SMIM35: variants seen among roughly 807,000 people sequenced by gnomAD.
The protein encoded by SMIM35 is TMPRSS4 antisense RNA 1 (non-protein coding).
intron 1 of SMIM35, among the ~76,000 whole-genome samples, chr11:118,039,161 G>A (rs1281477239): frequency 6.6e-6 from 1 of 152,132 alleles, no homozygotes; most frequent in East Asian, 1.9e-4. Context: ...TTAGAGCAGA[G>A]CAAAAATGAA....
chr11:118,056,001 C>A (rs1944303885), intron 1 of SMIM35, among the ~76,000 whole-genome samples: 1 of 151,834 alleles, frequency 6.6e-6, no homozygotes, highest in East Asian at 1.9e-4. Flanking sequence ...AGTCAGTTGC[C>A]AAGCAGAGGA....
At chr11:118,043,402 A>T (rs1020900931) in intron 1 of SMIM35, among the ~76,000 whole-genome samples, 1 of 152,192 alleles carries the variant, frequency 6.6e-6, no homozygotes, top group African/African-American at 2.4e-5. Context: ...ATGCCACTTG[A>T]ATGAACCTCA....
At chr11:118,051,167 A>T (rs1278337143) in intron 1 of SMIM35, among the ~76,000 whole-genome samples, 1 of 152,178 alleles carries the variant, frequency 6.6e-6, no homozygotes, top group African/African-American at 2.4e-5. Flanking sequence ...GAAGCAGAGA[A>T]ACTATCCTAT....
intron 1 of SMIM35, among the ~76,000 whole-genome samples, chr11:118,047,825 G>C (rs1279318692): frequency 6.6e-6 from 1 of 152,190 alleles, no homozygotes; most frequent in African/African-American, 2.4e-5. Context: ...GGGGATCTCT[G>C]TGACCCTCCA....
chr11:118,062,999 T>A (rs1277673399), intron 1 of SMIM35, among the ~76,000 whole-genome samples: 6 of 152,104 alleles, frequency 3.9e-5, no homozygotes, highest in Non-Finnish European at 5.9e-5. Flanking sequence ...CTGGTCGTCC[T>A]CACTGCTGCA....
chr11:118,051,464 C>A (rs994944633), intron 1 of SMIM35, among the ~76,000 whole-genome samples: 1 of 152,230 alleles, frequency 6.6e-6, no homozygotes, highest in Non-Finnish European at 1.5e-5. Context: ...CTTAAATTAG[C>A]GGCCACTTCT....
chr11:118,078,571 C>T (rs1443384909), intron 1 of SMIM35, among the ~76,000 whole-genome samples: 1 of 152,182 alleles, frequency 6.6e-6, no homozygotes, highest in African/African-American at 2.4e-5. Context: ...AAGGAGGCGC[C>T]CCAAAGTTTG....
chr11:118,081,537 A>C (rs1945136066), intron 1 of SMIM35, among the ~76,000 whole-genome samples: 1 of 152,194 alleles, frequency 6.6e-6, no homozygotes, highest in Non-Finnish European at 1.5e-5. Context: ...GAAACTCTCG[A>C]AGGGTAGCAG....
chr11:118,057,959 C>T (rs1055562097), intron 1 of SMIM35, among the ~76,000 whole-genome samples: 1 of 152,138 alleles, frequency 6.6e-6, no homozygotes, highest in Non-Finnish European at 1.5e-5. Context: ...TCAAAGTAAA[C>T]GATGATATTC....
At chr11:118,008,060 G>C (rs1341881072) in intron 4 of SMIM35, among the ~76,000 whole-genome samples, 1 of 151,496 alleles carries the variant, frequency 6.6e-6, no homozygotes, top group East Asian at 2.0e-4. Context: ...AGCAGAGATG[G>C]GTTTTCACTA....
intron 1 of SMIM35, among the ~76,000 whole-genome samples, chr11:118,070,600 C>G (rs1944555814): frequency 6.6e-6 from 1 of 152,246 alleles, no homozygotes; most frequent in Non-Finnish European, 1.5e-5. Context: ...TCTTCTAACC[C>G]TTGGGCTGCC....
In SMIM35 at chr11:118,048,537, AGAAGGAAGGAAGGAAGGAAGGAAG is replaced by A. The variant is rs59910847; in HGVS notation, c.8-32752_8-32729del. Among the ~76,000 whole-genome samples the A allele has an allele frequency of 3.4e-3, 418 of 122,860 alleles. 6 individuals are homozygous for A. The highest frequency in any genetic ancestry group is 0.016 in the East Asian group (69 of 4,252). 80.6% of individuals were successfully genotyped at this position (122,860 alleles called of 152,430 possible). A position where few individuals can be genotyped will look rare whatever the true frequency, so the allele number is the denominator to read the frequency against. On this transcript the variant is annotated intron_variant, in intron 1 of 4. Transcript: ENST00000689828. ...CAATAAGAAAGAAAGGAAGAAAGAA[AGAAGGAAGGAAGGAAGGAAGGAAG>A]GAAGGAAGGAAGGAAGGAAGGAAGG...
At chr11:118,076,983 A>G (rs620924) in intron 1 of SMIM35, 236,630 of 334,334 alleles carry the variant, frequency 0.71, 85,682 homozygotes, top group Non-Finnish European at 0.76. Context: ...TCCAGCCCCT[A>G]AGATAGGTGT....
rs2058112563 is a variant in SMIM35, at chr11:118,004,609, T to C, written c.*1801A>G. The C allele has an allele frequency of 6.6e-6, 1 of 152,116 alleles. No individual in the cohort carries two copies. The highest frequency in any genetic ancestry group is 1.5e-5 in the Non-Finnish European group (1 of 68,006). 9.4% of individuals were successfully genotyped at this position (152,116 alleles called of 1,614,324 possible). On this transcript the variant is annotated 3_prime_UTR_variant, in exon 5 of 5. Transcript: ENST00000689828. ...AGGCTCAGGGTTAGGGATTCCCATG[T>C]GAGAGTGAATGAGCTCATAGCCCTT...
intron 1 of SMIM35, among the ~76,000 whole-genome samples, chr11:118,035,311 CT>C (rs2135065777): frequency 6.6e-6 from 1 of 152,232 alleles, no homozygotes; most frequent in East Asian, 1.9e-4. Flanking sequence ...CATGCCAGCC[CT>C]TGAATTCTGT....
In SMIM35 at chr11:118,004,148, G is replaced by A. The variant is rs2058111000; in HGVS notation, c.*2262C>T. The A allele has an allele frequency of 6.6e-6, 1 of 152,224 alleles. No homozygotes were observed. The highest frequency in any genetic ancestry group is 2.1e-4 in the South Asian group (1 of 4,826). The allele number at this position is 152,224 out of a possible 1,614,324, so 9.4% of individuals were successfully genotyped here. On this transcript the variant is annotated 3_prime_UTR_variant, in exon 5 of 5. Transcript: ENST00000689828. ...CTTACAAGGGCACTAATCCCATCATGGAGGCCCCATCCTCATGACCTCATC... is the reference window on the plus strand; with the variant it reads ...CTTACAAGGGCACTAATCCCATCATAGAGGCCCCATCCTCATGACCTCATC...
chr11:118,009,760 G>T (rs996529533), intron 4 of SMIM35, among the ~76,000 whole-genome samples: 7 of 150,956 alleles, frequency 4.6e-5, no homozygotes, highest in Non-Finnish European at 8.8e-5. Flanking sequence ...TGAGGTCTTT[G>T]CTCTCCTACA....
intron 4 of SMIM35, among the ~76,000 whole-genome samples, chr11:118,011,252 G>T (rs1307627960): frequency 1.3e-5 from 2 of 152,196 alleles, no homozygotes; most frequent in East Asian, 3.9e-4. Context: ...CAGACCTGGG[G>T]CCAGGGCCAC....
intron 1 of SMIM35, among the ~76,000 whole-genome samples, chr11:118,085,320 T>A (rs1476097246): frequency 1.3e-5 from 2 of 150,838 alleles, no homozygotes; most frequent in African/African-American, 2.4e-5. Context: ...GCCTCCCAGG[T>A]TCAAGCGATT....
Sources: allele counts gnomAD v4.1 joint callset (sites outside exome capture counted in the v4.1 genomes callset), GRCh38; gene constraint gnomAD v4.1.1; transcripts MANE v1.5; gene names NCBI Gene and HGNC (gene_info 2026-07-23, HGNC 2026-07-21).